DLG2: variants seen among roughly 807,000 people sequenced by gnomAD.
The protein encoded by DLG2 is discs large MAGUK scaffold protein 2, also known as disks large homolog 2.
DLG2 carries 45 observed loss-of-function variants against 132.5 expected under a neutral mutation model. The observed-to-expected ratio is 0.34, with a 90% CI of 0.27 to 0.44. DLG2 has a LOEUF of 0.44. Ranked by LOEUF, DLG2 falls within the 20% of genes least tolerant of loss-of-function variation. The probability of loss-of-function intolerance (pLI) is 1.00; values close to 1 mark genes in which losing one functional copy is unlikely to be tolerated. For missense variants in DLG2, 1,045 were observed against 1,196.9 expected (o/e 0.87, Z 1.87); for synonymous variants, 424 against 419.6 (o/e 1.01, Z -0.13).
At chr11:84,032,964 C>T (rs1269694279) in intron 11 of DLG2, among the ~76,000 whole-genome samples, 2 of 152,154 alleles carry the variant, frequency 1.3e-5, no homozygotes, top group Non-Finnish European at 2.9e-5. Flanking sequence ...TAAGCCTACT[C>T]TTGAGATGCA....
intron 9 of DLG2, among the ~76,000 whole-genome samples, chr11:84,131,086 T>C (rs1385959473): frequency 6.6e-6 from 1 of 152,038 alleles, no homozygotes; most frequent in Non-Finnish European, 1.5e-5. Flanking sequence ...TGTGGTGTCT[T>C]CTTTGACAAC....
At chr11:85,178,009 T>C (rs2079421312) in intron 4 of DLG2, among the ~76,000 whole-genome samples, 1 of 152,022 alleles carries the variant, frequency 6.6e-6, no homozygotes, top group Admixed American at 6.6e-5. Flanking sequence ...GACTGAGAAA[T>C]ATTCTTCATT....
chr11:83,617,948 G>T (rs2061080953), intron 19 of DLG2, among the ~76,000 whole-genome samples: 1 of 152,144 alleles, frequency 6.6e-6, no homozygotes, highest in Non-Finnish European at 1.5e-5. Flanking sequence ...AGTGAGCCAA[G>T]ATCTTGGCAC....
intron 6 of DLG2, among the ~76,000 whole-genome samples, chr11:84,987,006 GA>G (rs2056568875): frequency 6.6e-6 from 1 of 152,136 alleles, no homozygotes; most frequent in Non-Finnish European, 1.5e-5. Context: ...TATTTACTTA[GA>G]AAACCTTAAG....
At chr11:85,542,936 T>A in intron 3 of DLG2, among the ~76,000 whole-genome samples, 1 of 152,220 alleles carries the variant, frequency 6.6e-6, no homozygotes, top group Non-Finnish European at 1.5e-5. Context: ...TACATCAAAA[T>A]GTTACTATTT....
intron 5 of DLG2, among the ~76,000 whole-genome samples, chr11:85,148,701 C>A (rs559587963): frequency 6.6e-6 from 1 of 152,116 alleles, no homozygotes; most frequent in Admixed American, 6.5e-5. Flanking sequence ...CTGTAGGTTG[C>A]CTGTTTGCTT....
intron 7 of DLG2, among the ~76,000 whole-genome samples, chr11:84,406,606 C>G (rs555951106): frequency 6.6e-6 from 1 of 152,322 alleles, no homozygotes; most frequent in South Asian, 2.1e-4. Context: ...TCCCAAAGTG[C>G]TGGGATTACA....
chr11:84,842,054 G>A (rs1467871617), intron 6 of DLG2, among the ~76,000 whole-genome samples: 1 of 151,850 alleles, frequency 6.6e-6, no homozygotes, highest in African/African-American at 2.4e-5. Context: ...TTCTGAAATG[G>A]TTATATGTAT....
chr11:83,876,411 A>G (rs2064797022), intron 15 of DLG2, among the ~76,000 whole-genome samples: 1 of 152,142 alleles, frequency 6.6e-6, no homozygotes, highest in South Asian at 2.1e-4. Flanking sequence ...CTTTAGTGAT[A>G]AATATCAAAT....
intron 6 of DLG2, among the ~76,000 whole-genome samples, chr11:85,051,342 T>G (rs2062869068): frequency 6.6e-6 from 1 of 152,060 alleles, no homozygotes; most frequent in Non-Finnish European, 1.5e-5. Context: ...AAAATTTGCT[T>G]GATTACTTAT....
In DLG2 at chr11:83,988,306, G is replaced by A. The variant is rs185196764; in HGVS notation, c.920-7664C>T. On this transcript the variant is annotated intron_variant, in intron 11 of 27. Coordinates refer to ENST00000376104, the MANE Select transcript of DLG2 (RefSeq NM_001142699.3). ...TTTAATTCATCTTGAGTTAATTTTT[G>A]TACAAGGTATAAGGAAGGGATCCAG... Among the ~76,000 whole-genome samples the A allele has an allele frequency of 8.8e-4, 134 of 152,094 alleles. 1 individual carries two copies. Among genetic ancestry groups the A allele is most frequent in the African/African-American group, 3.1e-3 (130 of 41,522 alleles).
intron 6 of DLG2, among the ~76,000 whole-genome samples, chr11:84,976,241 T>C (rs1220406664): frequency 6.6e-6 from 1 of 152,196 alleles, no homozygotes; most frequent in Non-Finnish European, 1.5e-5. Context: ...GGGAAGTTGA[T>C]ACATGTTTTC....
intron 10 of DLG2, among the ~76,000 whole-genome samples, chr11:84,086,356 T>C (rs1031109851): frequency 6.6e-6 from 1 of 152,232 alleles, no homozygotes; most frequent in Non-Finnish European, 1.5e-5. Context: ...TATTGAGATA[T>C]AATTCACATA....
intron 4 of DLG2, among the ~76,000 whole-genome samples, chr11:85,177,857 T>C (rs1195454858): frequency 6.6e-6 from 1 of 152,130 alleles, no homozygotes; most frequent in African/African-American, 2.4e-5. Context: ...GATATATCCC[T>C]TTTGTAGTAC....
intron 6 of DLG2, among the ~76,000 whole-genome samples, chr11:84,863,703 G>T (rs1483286646): frequency 6.6e-6 from 1 of 152,154 alleles, no homozygotes; most frequent in African/African-American, 2.4e-5. Flanking sequence ...AGATAAAATG[G>T]AAAGATAAAT....
chr11:85,119,871 C>G (rs2074095109), intron 5 of DLG2, among the ~76,000 whole-genome samples: 1 of 152,024 alleles, frequency 6.6e-6, no homozygotes, highest in African/African-American at 2.4e-5. Context: ...ACACTTAATT[C>G]TTCCTGAAAT....
intron 6 of DLG2, among the ~76,000 whole-genome samples, chr11:85,027,005 T>C (rs1004225632): frequency 6.6e-6 from 1 of 151,874 alleles, no homozygotes; most frequent in Non-Finnish European, 1.5e-5. Context: ...TTATAAATAA[T>C]ACAAATACTT....
chr11:84,587,816 T>A (rs906497945), intron 6 of DLG2, among the ~76,000 whole-genome samples: 1 of 152,214 alleles, frequency 6.6e-6, no homozygotes, highest in Non-Finnish European at 1.5e-5. Context: ...TTTAGCTCTA[T>A]TCTTACTGGT....
At chr11:84,677,965 AC>A (rs1287434075) in intron 6 of DLG2, among the ~76,000 whole-genome samples, 1 of 152,098 alleles carries the variant, frequency 6.6e-6, no homozygotes, top group African/African-American at 2.4e-5. Flanking sequence ...TAATATTCAT[AC>A]AAAGCAAAAT....
Sources: allele counts gnomAD v4.1 joint callset (sites outside exome capture counted in the v4.1 genomes callset), GRCh38; gene constraint gnomAD v4.1.1; transcripts MANE v1.5; gene names NCBI Gene and HGNC (gene_info 2026-07-23, HGNC 2026-07-21).